The following EGF variants were observed in gnomAD, a reference collection of about 807,000 sequenced individuals.
EGF encodes epidermal growth factor.
Under a neutral mutation model 143.8 loss-of-function variants are expected in EGF, and 95 were observed. That is an observed-to-expected ratio of 0.66 (90% CI 0.56 to 0.78). The LOEUF is 0.78. EGF is among the 30% of genes least tolerant of loss of function. The pLI, the probability that EGF is intolerant of heterozygous loss-of-function variation, is 0.00. For synonymous variants in EGF, 510 were observed against 510.5 expected, an observed-to-expected ratio of 1.00 and a Z score of 0.01; for missense variants, 1,320 against 1,470.9, an observed-to-expected ratio of 0.90 and a Z score of 1.68.
At position 109,945,173 on chromosome 4, in the gene EGF, A is replaced by C. The variant is rs758470342; in HGVS notation, c.838A>C (p.Met280Leu). The change falls in exon 5 of 24, where the codon ATG becomes CTG. Residue 280 changes from methionine to leucine, a missense_variant. Met to Leu is a conservative substitution (Grantham distance 15, BLOSUM62 2). Around this residue, in one of 5 missense-constraint regions of EGF, gnomAD observed 1,186 missense variants for 1,313.7 expected, o/e 0.90. Transcript: ENST00000265171. ...AGCCAACAAACACACTGGAAAGGAC[A>C]TGGTTAGAATTAACCTCCATTCATC... ...WIANKHTGKD[M>L]VRINLHSSFV... 6 of 1,614,210 alleles carry C rather than the reference A, an allele frequency of 3.7e-6. No homozygotes were observed. Among genetic ancestry groups the C allele is most frequent in the South Asian group, 2.2e-5 (2 of 91,080 alleles).
chr4:110,003,685 T>G (rs753160011), intron 21 of EGF, among the ~76,000 whole-genome samples: 4 of 152,126 alleles, frequency 2.6e-5, no homozygotes, highest in African/African-American at 4.8e-5. Context: ...TCCATCTCCA[T>G]GCTAAATCTC....
At chr4:110,002,221 G>A (rs1381070030) in intron 21 of EGF, among the ~76,000 whole-genome samples, 1 of 152,124 alleles carries the variant, frequency 6.6e-6, no homozygotes, top group Non-Finnish European at 1.5e-5. Flanking sequence ...TGCTGGGTGT[G>A]GTGGCTCGTG....
intron 21 of EGF, chr4:110,004,185 G>C (rs1249809943): frequency 2.6e-6 from 1 of 390,016 alleles, no homozygotes; most frequent in African/African-American, 2.1e-5. Context: ...TGAATGCAAG[G>C]CTATTCCCCC....
At chr4:109,989,387 G>C (rs546456126) in intron 18 of EGF, among the ~76,000 whole-genome samples, 1 of 152,182 alleles carries the variant, frequency 6.6e-6, no homozygotes, top group African/African-American at 2.4e-5. Context: ...CTGAGGCACG[G>C]TGAAGTGATT....
At chr4:109,992,170 T>TAAAAAAAAAAAAAA (rs58841408) in intron 18 of EGF, among the ~76,000 whole-genome samples, 8 of 65,630 alleles carry the variant, frequency 1.2e-4, no homozygotes, top group South Asian at 7.3e-4. Context: ...CAAGATTCTT[T>TAAAAAAAAAAAAAA]AAAAAAAAAA....
chr4:109,971,680 A>G (rs1308243995), intron 11 of EGF, among the ~76,000 whole-genome samples: 1 of 152,180 alleles, frequency 6.6e-6, no homozygotes, highest in East Asian at 1.9e-4. Context: ...GCAGCTGCTA[A>G]AAGAAAACCT....
chr4:110,010,482 A>C (rs1480930517), intron 23 of EGF, among the ~76,000 whole-genome samples: 3 of 152,092 alleles, frequency 2.0e-5, no homozygotes, highest in Non-Finnish European at 2.9e-5. Context: ...TCAAGGTCCT[A>C]CTCTGTCACT....
chr4:109,963,340 A>C (rs41434845), intron 9 of EGF, 42 bp downstream of exon 9: 1 of 1,613,370 alleles, frequency 6.2e-7, no homozygotes, highest in Non-Finnish European at 8.5e-7. Context: ...CTGAAAAAAA[A>C]TTCATGAAAA....
chr4:109,968,338 G>T (rs1282639020), intron 10 of EGF, among the ~76,000 whole-genome samples: 24 of 152,100 alleles, frequency 1.6e-4, no homozygotes, highest in Admixed American at 1.6e-3. Context: ...AAGCAAATAA[G>T]TGACAAAACT....
chr4:110,002,032 A>T, intron 21 of EGF: 1 of 985,462 alleles, frequency 1.0e-6, no homozygotes, highest in Non-Finnish European at 1.2e-6. Context: ...GCCATGTCAT[A>T]CTCAACTGTA....
At chr4:109,980,696 C>T (rs1749218973) in intron 14 of EGF, 130 bp from the exon 15 acceptor site, 2 of 993,012 alleles carry the variant, frequency 2.0e-6, no homozygotes, top group African/African-American at 1.6e-5. Context: ...ATTGATATAC[C>T]CTCTATTTAG....
intron 16 of EGF, among the ~76,000 whole-genome samples, chr4:109,985,599 C>A (rs13130517): frequency 1 from 152,180 of 152,318 alleles, 76,021 homozygotes; most frequent in East Asian, 1. Flanking sequence ...AGCCCTTCAA[C>A]GTCCTGTGTG....
chr4:109,919,438 G>A (rs1737389730), intron 1 of EGF, among the ~76,000 whole-genome samples: 1 of 151,794 alleles, frequency 6.6e-6, no homozygotes, highest in Admixed American at 6.6e-5. Flanking sequence ...TTGGGGCTGG[G>A]GAGTGCCTTT....
At chr4:110,004,215 T>TACATACACACACAC (rs1553948184) in intron 21 of EGF, 3 of 356,974 alleles carry the variant, frequency 8.4e-6, no homozygotes, top group African/African-American at 6.5e-5. Context: ...TGGGCATACA[T>TACATACACACACAC]ACACACACAC....
intron 2 of EGF, among the ~76,000 whole-genome samples, chr4:109,942,806 A>T (rs1742147870): frequency 6.6e-6 from 1 of 152,172 alleles, no homozygotes; most frequent in Non-Finnish European, 1.5e-5. Flanking sequence ...CACAATGAGA[A>T]ATTCATCGAG....
chr4:110,010,407 AT>A (rs113110962), intron 23 of EGF, among the ~76,000 whole-genome samples: 1 of 138,732 alleles, frequency 7.2e-6, no homozygotes, highest in Non-Finnish European at 1.5e-5. Context: ...GACTATTGTA[AT>A]TTTTTTAAAA....
chr4:109,956,860 C>T (rs1406111960), intron 5 of EGF, among the ~76,000 whole-genome samples: 1 of 152,094 alleles, frequency 6.6e-6, no homozygotes, highest in Non-Finnish European at 1.5e-5. Flanking sequence ...AAGGAAATAA[C>T]ACAGACTAGC....
At position 110,011,196 on chromosome 4, in the gene EGF, A is replaced by T. The variant is rs1290976411; in HGVS notation, c.3371-6A>T. 6.2e-7 allele frequency: 1 copy of T among 1,613,868 alleles called. No individual in the cohort carries two copies. The highest frequency in any genetic ancestry group is 8.5e-7 in the Non-Finnish European group (1 of 1,180,012). On this transcript the variant is annotated splice_region_variant and splice_polypyrimidine_tract_variant and intron_variant, in intron 23 of 23. Transcript: ENST00000265171. The stretch of plus-strand genomic sequence containing the variant: ...AATATTGAAATTTCTTTTGTCTTTC[A>T]TATAGGGTCAATGCAACCAACTTCA...
intron 21 of EGF, 53 bp from the exon 22 acceptor site, chr4:110,004,452 G>T: frequency 6.7e-7 from 1 of 1,484,998 alleles, no homozygotes; most frequent in Non-Finnish European, 9.4e-7. Flanking sequence ...CACTGAGTGG[G>T]CTGAGTATTT....
Sources: gnomAD v4.1 joint callset for allele counts (sites outside exome capture counted in the v4.1 genomes callset) on GRCh38, gnomAD v4.1.1 for gene constraint, gnomAD v4.1.1 regional missense constraint, MANE v1.5 for transcripts, NCBI Gene and HGNC (gene_info 2026-07-23, HGNC 2026-07-21) for gene names.